PDSS2: variants seen among roughly 807,000 people sequenced by gnomAD.
PDSS2 encodes the protein decaprenyl diphosphate synthase subunit 2, also known as all trans-polyprenyl-diphosphate synthase PDSS2.
In PDSS2, 31 loss-of-function variants were observed where a neutral mutation model predicts 44.5. That is an observed-to-expected ratio of 0.70 (90% CI 0.52 to 0.94). The LOEUF (loss-of-function observed/expected upper bound fraction) is 0.94. Ranked by LOEUF, PDSS2 falls within the 40% of genes least tolerant of loss-of-function variation. The probability of loss-of-function intolerance (pLI) is 0.00; values close to 1 mark genes in which losing one functional copy is unlikely to be tolerated. For synonymous variants in PDSS2, 157 were observed against 180.3 expected, an observed-to-expected ratio of 0.87 and a Z score of 1.03; for missense variants, 452 against 482.2, an observed-to-expected ratio of 0.94 and a Z score of 0.59.
At chr6:107,267,746 T>G (rs1437677305) in intron 3 of PDSS2, among the ~76,000 whole-genome samples, 3 of 151,528 alleles carry the variant, frequency 2.0e-5, no homozygotes, top group Non-Finnish European at 2.9e-5. Flanking sequence ...CCACCATGCC[T>G]GTTTTTTGTT....
At chr6:107,157,289 A>G (rs782147854) in intron 7 of PDSS2, among the ~76,000 whole-genome samples, 3 of 143,546 alleles carry the variant, frequency 2.1e-5, no homozygotes, top group Non-Finnish European at 4.7e-5. Flanking sequence ...GGCTCAAGTG[A>G]TCTTTCCACC....
chr6:107,456,924 T>C (rs1475420417), intron 1 of PDSS2, among the ~76,000 whole-genome samples: 1 of 152,206 alleles, frequency 6.6e-6, no homozygotes, highest in African/African-American at 2.4e-5. Context: ...CACATTTAGC[T>C]TCAACAGGAC....
intron 1 of PDSS2, among the ~76,000 whole-genome samples, chr6:107,458,321 T>C (rs1782114498): frequency 7.1e-6 from 1 of 140,220 alleles, no homozygotes; most frequent in Non-Finnish European, 1.5e-5. Context: ...CCGTATCTAC[T>C]AAAAATACAA....
At chr6:107,191,484 G>A (rs1034892797) in intron 7 of PDSS2, among the ~76,000 whole-genome samples, 4 of 152,156 alleles carry the variant, frequency 2.6e-5, no homozygotes, top group Non-Finnish European at 4.4e-5. Flanking sequence ...TGGTTGACTG[G>A]TGGGATGACA....
intron 1 of PDSS2, among the ~76,000 whole-genome samples, chr6:107,336,825 GGTGTGTGTGTGTGTGTGTGTGT>G (rs370135734): frequency 1.9e-4 from 20 of 106,538 alleles, no homozygotes; most frequent in South Asian, 3.9e-4. Flanking sequence ...AGAGGTGTGT[GGTGTGTGTGTGTGTGTGTGTGT>G]GTGTGTGTGT....
chr6:107,336,571 T>C (rs1477883366), intron 1 of PDSS2, among the ~76,000 whole-genome samples: 1 of 152,186 alleles, frequency 6.6e-6, no homozygotes, highest in Non-Finnish European at 1.5e-5. Context: ...TTTACTGTCA[T>C]GTAACAATCT....
chr6:107,446,031 T>A (rs1439465609), intron 1 of PDSS2, among the ~76,000 whole-genome samples: 1 of 152,064 alleles, frequency 6.6e-6, no homozygotes, highest in East Asian at 1.9e-4. Flanking sequence ...AAATAAGAAA[T>A]AATTGGCCAG....
At chr6:107,308,499 A>T (rs1004733928) in intron 2 of PDSS2, among the ~76,000 whole-genome samples, 10 of 152,224 alleles carry the variant, frequency 6.6e-5, no homozygotes, top group Admixed American at 6.5e-4. Flanking sequence ...AGTTGGAGAT[A>T]CAATACAATG....
intron 1 of PDSS2, among the ~76,000 whole-genome samples, chr6:107,441,594 GT>G (rs1781512212): frequency 6.6e-6 from 1 of 152,166 alleles, no homozygotes. Flanking sequence ...ATGACAATAA[GT>G]TATCTTTTTT....
At chr6:107,162,625 T>TTTTTTTTTTTTG (rs1771186804) in intron 7 of PDSS2, among the ~76,000 whole-genome samples, 4 of 147,742 alleles carry the variant, frequency 2.7e-5, no homozygotes, top group South Asian at 2.2e-4. Flanking sequence ...TTTTTTTTTT[T>TTTTTTTTTTTTG]GAGATGGAGT....
intron 2 of PDSS2, among the ~76,000 whole-genome samples, chr6:107,296,193 A>T (rs897795021): frequency 3.3e-5 from 5 of 152,140 alleles, no homozygotes; most frequent in Admixed American, 6.5e-5. Flanking sequence ...CTTCAGGGCC[A>T]TTTGCACTGC....
chr6:107,315,711 T>C (rs1218367585), intron 2 of PDSS2, among the ~76,000 whole-genome samples: 1 of 152,186 alleles, frequency 6.6e-6, no homozygotes, highest in African/African-American at 2.4e-5. Context: ...ATAATTGCTG[T>C]CCCAGAAGAA....
chr6:107,215,774 A>G (rs999255766), intron 4 of PDSS2, among the ~76,000 whole-genome samples: 3 of 152,166 alleles, frequency 2.0e-5, no homozygotes, highest in African/African-American at 4.8e-5. Context: ...TCATACATAA[A>G]AACTAATCAG....
chr6:107,244,134 A>T (rs1210405798), intron 4 of PDSS2, among the ~76,000 whole-genome samples: 1 of 152,186 alleles, frequency 6.6e-6, no homozygotes, highest in East Asian at 1.9e-4. Context: ...ATCTCAAAAA[A>T]ACAAACAAAA....
chr6:107,286,374 G>A lies in PDSS2; in HGVS notation c.432-12147C>T, dbSNP rs1417593904. Among the ~76,000 whole-genome samples the A allele has an allele frequency of 4.6e-5, 7 of 151,786 alleles. No homozygotes were observed. In the East Asian group the frequency reaches 1.2e-3, roughly 25 times the overall value. ...AAAATACAGAAATTTGCTGATTGTG[G>A]TGGCGGGTGCCTGTAATCCCAGCTA... On this transcript the variant is annotated intron_variant, in intron 2 of 7. Coordinates refer to ENST00000369037, the MANE Select transcript of PDSS2 (RefSeq NM_020381.4).
At chr6:107,262,753 C>G (rs1217061560) in intron 3 of PDSS2, among the ~76,000 whole-genome samples, 10 of 150,996 alleles carry the variant, frequency 6.6e-5, no homozygotes, top group Admixed American at 6.6e-4. Context: ...GCCTGGGTGA[C>G]AGAATGAGAC....
In PDSS2 at chr6:107,443,589, C is replaced by T. The variant is rs567394710; in HGVS notation, c.296+15401G>A. ...GTTTACAGTGGAAGGGCAAGTTTAGCATCAGATACTCTATCATGGCAGAAG... is the reference window on the plus strand; with the variant it reads ...GTTTACAGTGGAAGGGCAAGTTTAGTATCAGATACTCTATCATGGCAGAAG... On this transcript the variant is annotated intron_variant, in intron 1 of 7. Coordinates refer to ENST00000369037, the MANE Select transcript of PDSS2 (RefSeq NM_020381.4). Among the ~76,000 whole-genome samples the T allele has an allele frequency of 5.9e-5, 9 of 152,330 alleles. No homozygotes were observed. In the South Asian group the frequency reaches 1.9e-3, roughly 32 times the overall value.
At chr6:107,299,193 GAATT>G (rs1776616386) in intron 2 of PDSS2, among the ~76,000 whole-genome samples, 1 of 89,340 alleles carries the variant, frequency 1.1e-5, no homozygotes, top group African/African-American at 3.9e-5. Flanking sequence ...ACCAAATAAA[GAATT>G]AAAAGAAAAA....
chr6:107,268,775 C>A (rs1296034399), intron 3 of PDSS2, among the ~76,000 whole-genome samples: 2 of 152,082 alleles, frequency 1.3e-5, no homozygotes, highest in African/African-American at 2.4e-5. Flanking sequence ...GGAGAAAATT[C>A]TCTTTCTACA....
Sources: gnomAD v4.1 joint callset for allele counts (sites outside exome capture counted in the v4.1 genomes callset) on GRCh38, gnomAD v4.1.1 for gene constraint, MANE v1.5 for transcripts, NCBI Gene and HGNC (gene_info 2026-07-23, HGNC 2026-07-21) for gene names.